DNTT: variants seen among roughly 807,000 people sequenced by gnomAD.
The protein encoded by DNTT is DNA nucleotidylexotransferase.
Under a neutral mutation model 60.9 loss-of-function variants are expected in DNTT, and 47 were observed. The observed-to-expected ratio is 0.77, with a 90% CI of 0.61 to 0.98. DNTT has a LOEUF of 0.98. Among genes scored for constraint, DNTT ranks in the 50% least tolerant of loss-of-function variants. The pLI, the probability that DNTT is intolerant of heterozygous loss-of-function variation, is 0.00. For missense variants in DNTT, 665 were observed against 627.5 expected (o/e 1.06, Z -0.64); for synonymous variants, 224 against 221.2 (o/e 1.01, Z -0.11).
Position 96,336,092 on chromosome 10 carries a change from T to C in DNTT, c.1443+118T>C, listed in dbSNP as rs1053633733. ...ATGGTTTCCTTTGTCATGCGTGTTC[T>C]ATTTCCAGTTCATCATAGTTGAGGG... is the stretch of plus-strand genomic sequence containing the variant. On this transcript the variant is annotated intron_variant, in intron 10 of 10. Transcript: ENST00000371174. The C allele has an allele frequency of 5.1e-6, 5 of 976,846 alleles. No homozygotes were observed. The African/African-American group carries it at 8.1e-5, about 16-fold the overall frequency. 60.5% of individuals were successfully genotyped at this position (976,846 alleles called of 1,614,324 possible). A position where few individuals can be genotyped will look rare whatever the true frequency, so the allele number is the denominator to read the frequency against.
chr10:96,318,799 T>C (rs1047655205), intron 2 of DNTT, among the ~76,000 whole-genome samples: 14 of 152,200 alleles, frequency 9.2e-5, no homozygotes, highest in African/African-American at 2.4e-4. Context: ...TAACGAGTGG[T>C]CGCTATTTTC....
rs57273993 is a variant in DNTT, at chr10:96,320,938, GTCTC to G, written c.678+178_678+181del. On this transcript the variant is annotated intron_variant, in intron 4 of 10. Transcript: ENST00000371174. The stretch of plus-strand genomic sequence containing the variant: ...ATACATATTCCTCTCTCTCTCCTCT[GTCTC>G]TCTCTCTCTCTCTCTCTCTCTCTCT... The G allele has an allele frequency of 5.1e-3, 2,785 of 548,750 alleles. 21 individuals are homozygous for G. Among genetic ancestry groups the G allele is most frequent in the African/African-American group, 0.035 (1,828 of 51,930 alleles). The allele number at this position is 548,750 out of a possible 1,614,324, so 34.0% of individuals were successfully genotyped here. A position where few individuals can be genotyped will look rare whatever the true frequency, so the allele number is the denominator to read the frequency against.
At chr10:96,316,625 C>T (rs1467864230) in intron 1 of DNTT, among the ~76,000 whole-genome samples, 2 of 152,206 alleles carry the variant, frequency 1.3e-5, no homozygotes, top group Non-Finnish European at 2.9e-5. Context: ...TCCTCCCTGT[C>T]CTTCTGGCCC....
chr10:96,309,048 AC>A (rs1192775404), intron 1 of DNTT, among the ~76,000 whole-genome samples: 2 of 152,100 alleles, frequency 1.3e-5, no homozygotes, highest in Non-Finnish European at 2.9e-5. Flanking sequence ...CTGTGTCTTG[AC>A]CCAAATCATT....
intron 3 of DNTT, 41 bp from the exon 4 acceptor site, chr10:96,320,577 C>G: frequency 6.2e-7 from 1 of 1,606,480 alleles, no homozygotes; most frequent in Non-Finnish European, 8.5e-7. Context: ...GGCTCAGGGG[C>G]TTGGAAGCAA....
At chr10:96,315,095 A>G (rs1280216231) in intron 1 of DNTT, among the ~76,000 whole-genome samples, 10 of 152,220 alleles carry the variant, frequency 6.6e-5, no homozygotes, top group Non-Finnish European at 1.5e-5. Flanking sequence ...GGCCACATGC[A>G]GAGGATCAGC....
In DNTT at chr10:96,314,402, C is replaced by CTTTTTTTTTTTTTTTTTTTTT. The variant is rs869059822; in HGVS notation, c.204-3942_204-3922dup. On this transcript the variant is annotated intron_variant, in intron 1 of 10. Coordinates refer to ENST00000371174, the MANE Select transcript of DNTT (RefSeq NM_004088.4). ...TAACATTTCCAAGGCTATCTCTTCCCTTTTTTTTTTTTTTTTTTTTTTTTT... is the reference window on the plus strand; with the variant it reads ...TAACATTTCCAAGGCTATCTCTTCCCTTTTTTTTTTTTTTTTTTTTTTTTTTTTTTTTTTTTTTTTTTTTTT... Among the ~76,000 whole-genome samples, 93 of 53,206 alleles carry CTTTTTTTTTTTTTTTTTTTTT rather than the reference C, an allele frequency of 1.7e-3. 26 individuals are homozygous for CTTTTTTTTTTTTTTTTTTTTT. Among genetic ancestry groups the CTTTTTTTTTTTTTTTTTTTTT allele is most frequent in the South Asian group, 2.7e-3 (3 of 1,120 alleles). The allele number at this position is 53,206 out of a possible 152,430, so 34.9% of individuals were successfully genotyped here.
rs1844816985 is a variant in DNTT at position 96,318,403 on chromosome 10, G to A, written c.255G>A (p.Leu85=). 1 of 1,613,668 alleles carries A rather than the reference G, an allele frequency of 6.2e-7. No homozygotes were observed. Among genetic ancestry groups the A allele is most frequent in the Non-Finnish European group, 8.5e-7 (1 of 1,179,722 alleles). ...VAENNSGSDV[L]EWLQAQKVQV... is the part of the protein sequence containing the mutation. ...AGAACAACTCGGGTTCGGATGTTCTGGAGTGGCTTCAAGCACAGAAAGTAC... is the reference window on the plus strand; with the variant it reads ...AGAACAACTCGGGTTCGGATGTTCTAGAGTGGCTTCAAGCACAGAAAGTAC... The change falls in exon 2 of 11, where the codon CTG becomes CTA. Residue 85 remains leucine (L), a synonymous_variant. Transcript: ENST00000371174.
intron 6 of DNTT, among the ~76,000 whole-genome samples, chr10:96,325,418 A>G (rs1007932287): frequency 2.0e-5 from 3 of 152,244 alleles, no homozygotes; most frequent in Admixed American, 6.5e-5. Context: ...AGTATTAAAC[A>G]TAAGTAGCAA....
chr10:96,331,618 C>T (rs1236758001), intron 8 of DNTT, among the ~76,000 whole-genome samples: 1 of 152,170 alleles, frequency 6.6e-6, no homozygotes, highest in Non-Finnish European at 1.5e-5. Flanking sequence ...ACAAGTCATT[C>T]ATGAGAGATC....
chr10:96,336,090 T>C, intron 10 of DNTT, 116 bp downstream of exon 10: 1 of 1,007,262 alleles, frequency 9.9e-7, no homozygotes, highest in South Asian at 1.3e-5. Flanking sequence ...TCATGCGTGT[T>C]CTATTTCCAG....
intron 1 of DNTT, among the ~76,000 whole-genome samples, chr10:96,309,591 C>T (rs1429246445): frequency 6.6e-6 from 1 of 152,120 alleles, no homozygotes; most frequent in Non-Finnish European, 1.5e-5. Flanking sequence ...TAATGTTTGA[C>T]ATGTGGATTC....
chr10:96,307,457 C>T (rs1844653348), intron 1 of DNTT, among the ~76,000 whole-genome samples: 2 of 141,994 alleles, frequency 1.4e-5, no homozygotes, highest in African/African-American at 5.2e-5. Flanking sequence ...CAGGTTCAAG[C>T]GATACTCCTG....
chr10:96,328,926 T>C, intron 8 of DNTT, 96 bp downstream of exon 8: 2 of 1,196,520 alleles, frequency 1.7e-6, no homozygotes, highest in South Asian at 1.5e-5. Flanking sequence ...AATGACCATC[T>C]AATCAATTCT....
At position 96,304,813 on chromosome 10, in the gene DNTT, T is replaced by A. The variant is rs1259988439; in HGVS notation, c.203+113T>A. ...CATGTGGAAGAGGTGATCTTCCCAC[T>A]GGGAGAACAGCAGATTTGAAATCAA... On this transcript the variant is annotated intron_variant, in intron 1 of 10. Coordinates refer to ENST00000371174, the MANE Select transcript of DNTT (RefSeq NM_004088.4). The A allele has an allele frequency of 6.8e-6, 8 of 1,173,580 alleles. No homozygotes were observed. In the East Asian group the frequency reaches 1.8e-4, roughly 26 times the overall value. The allele number at this position is 1,173,580 out of a possible 1,614,324, so 72.7% of individuals were successfully genotyped here. A position where few individuals can be genotyped will look rare whatever the true frequency, so the allele number is the denominator to read the frequency against.
Position 96,338,240 on chromosome 10 carries a change from A to C in DNTT, c.*16A>C, listed in dbSNP as rs1564876748. 6.3e-7 allele frequency: 1 copy of C among 1,598,204 alleles called. No homozygotes were observed. The highest frequency in any genetic ancestry group is 1.7e-4 in the Middle Eastern group (1 of 5,990). On this transcript the variant is annotated 3_prime_UTR_variant, in exon 11 of 11. Coordinates refer to ENST00000371174, the MANE Select transcript of DNTT (RefSeq NM_004088.4). ...AAATGCCTAGGAAAGTGTTGTCAAC[A>C]TTTTTTTCCTATTCTTTTCAAGTTA...
intron 4 of DNTT, among the ~76,000 whole-genome samples, chr10:96,321,862 A>G (rs1844884580): frequency 6.6e-6 from 1 of 152,202 alleles, no homozygotes; most frequent in Admixed American, 6.5e-5. Context: ...TGTTATTTAT[A>G]ATCCATACCC....
At chr10:96,311,240 A>G (rs1844710767) in intron 1 of DNTT, among the ~76,000 whole-genome samples, 1 of 152,248 alleles carries the variant, frequency 6.6e-6, no homozygotes, top group Admixed American at 6.5e-5. Flanking sequence ...TTTAACTGTA[A>G]ATGACTATTT....
chr10:96,322,760 T>G (rs7097016), intron 5 of DNTT, 32 bp downstream of exon 5: 1,512,926 of 1,534,074 alleles, frequency 0.99, 748,190 homozygotes, highest in East Asian at 1. Flanking sequence ...TATTGAAAAT[T>G]GTTTTTCAGT....
Sources: gnomAD v4.1 joint callset for allele counts (sites outside exome capture counted in the v4.1 genomes callset) on GRCh38, gnomAD v4.1.1 for gene constraint, MANE v1.5 for transcripts, NCBI Gene and HGNC (gene_info 2026-07-23, HGNC 2026-07-21) for gene names.